Variants in GATA6 observed in about 807,000 individuals in gnomAD.
The protein encoded by GATA6 is transcription factor GATA-6.
GATA6 carries 11 observed loss-of-function variants against 48.1 expected under a neutral mutation model. The observed-to-expected ratio is 0.23, with a 90% confidence interval of 0.14 to 0.38. GATA6 has a LOEUF of 0.38. Among genes scored for constraint, GATA6 ranks in the 10% least tolerant of loss-of-function variants. The pLI is 1.00. For missense variants in GATA6, 795 were observed against 850.3 expected, an observed-to-expected ratio of 0.93 and a Z score of 0.81; for synonymous variants, 419 against 396.1, an observed-to-expected ratio of 1.06 and a Z score of -0.69.
At position 22,171,691 on chromosome 18, in the gene GATA6, G is replaced by A. The variant is rs1399820160; in HGVS notation, c.547G>A (p.Ala183Thr). ...AAAAAAAAAA[A>T]SSPVYVPTTR... Reference sequence around the variant, plus strand: ...CGCGGCGGCAGCAGCCGCGGCGGCGGCCAGCTCCCCGGTCTACGTGCCCAC... The same window carrying A: ...CGCGGCGGCAGCAGCCGCGGCGGCGACCAGCTCCCCGGTCTACGTGCCCAC... Residue 183 changes from alanine to threonine, a missense_variant, in exon 2 of 7, where the codon GCC becomes ACC. Physicochemically the swap from Ala to Thr is moderately conservative, Grantham distance 58. Around this residue, in one of 5 missense-constraint regions of GATA6, gnomAD observed 591 missense variants for 570.0 expected, o/e 1.04. Transcript: ENST00000269216. This position sits in a 1 kb window ranked among gnomAD's most constrained non-coding sequence, Gnocchi z 7.1. 2 of 1,498,120 alleles carry A rather than the reference G, an allele frequency of 1.3e-6. No individual in the cohort carries two copies. The highest frequency in any genetic ancestry group is 2.3e-5 in the Admixed American group (1 of 44,146). The allele number at this position is 1,498,120 out of a possible 1,614,324, so 92.8% of individuals were successfully genotyped here. A position where few individuals can be genotyped will look rare whatever the true frequency, so the allele number is the denominator to read the frequency against.
chr18:22,171,009 T>C lies in GATA6; in HGVS notation c.-37-99T>C. On this transcript the variant is annotated intron_variant, in intron 1 of 6. Transcript: ENST00000269216. The surrounding 1 kb of genome is among the most constrained non-coding windows in gnomAD (Gnocchi z 7.1). ...GGATCTTTGAGAAGTCAGATCCCAT[T>C]TGAACTAGAAAAAGGAGTGGAGGCG... The C allele has an allele frequency of 1.4e-6, 1 of 728,254 alleles. No homozygotes were observed. The highest frequency in any genetic ancestry group is 2.4e-6 in the Non-Finnish European group (1 of 416,698). The allele number at this position is 728,254 out of a possible 1,614,324, so 45.1% of individuals were successfully genotyped here.
At chr18:22,183,620 G>A (rs1047000508) in intron 6 of GATA6, among the ~76,000 whole-genome samples, 2 of 152,174 alleles carry the variant, frequency 1.3e-5, no homozygotes, top group South Asian at 2.1e-4. Context: ...TTGTACTGGC[G>A]TTTATTTCAG....
At position 22,182,989 on chromosome 18, in the gene GATA6, C is replaced by T. The variant is rs2033217595; in HGVS notation, c.1566C>T (p.Asn522=). 2 of 1,614,008 alleles carry T rather than the reference C, an allele frequency of 1.2e-6. No individual in the cohort carries two copies. The highest frequency in any genetic ancestry group is 1.3e-5 in the African/African-American group (1 of 74,914). Residue 522 remains asparagine (N), a synonymous_variant, in exon 6 of 7, where the codon AAC becomes AAT. Transcript: ENST00000269216. ...IPMTPTSTSS[N]SDDCSKNTSP... ...TGACTCCAACTTCCACCTCTTCTAA[C>T]TCAGATGATTGCAGCAAAAATACTT...
intron 3 of GATA6, among the ~76,000 whole-genome samples, chr18:22,181,001 A>T (rs1241658841): frequency 6.6e-6 from 1 of 152,078 alleles, no homozygotes; most frequent in African/African-American, 2.4e-5. Flanking sequence ...TTGTGTTGTT[A>T]CTTCTGGTGT....
chr18:22,171,884 C>T lies in GATA6; in HGVS notation c.740C>T (p.Ala247Val), dbSNP rs2033055492. Residue 247 changes from alanine to valine, a missense_variant, in exon 2 of 7, where the codon GCG (alanine) becomes GTG (valine). Ala to Val is a moderately conservative substitution (Grantham distance 64). Around this residue, in one of 5 missense-constraint regions of GATA6, gnomAD observed 591 missense variants for 570.0 expected, o/e 1.04. Transcript: ENST00000269216. This position sits in a 1 kb window ranked among gnomAD's most constrained non-coding sequence, Gnocchi z 7.1. ...SGGGAAGGGA[A>V]GPGGAGSAAA... ...GGCGGCGCGGCTGGCGGCGGGGCCG[C>T]GGGGCCTGGCGGCGCTGGCTCAGCC... The T allele has an allele frequency of 1.7e-6, 2 of 1,149,560 alleles. No individual in the cohort carries two copies. Among genetic ancestry groups the T allele is most frequent in the Non-Finnish European group, 2.1e-6 (2 of 936,216 alleles). 71.2% of individuals were successfully genotyped at this position (1,149,560 alleles called of 1,614,324 possible).
rs1047995213 is a variant in GATA6, at chr18:22,185,123, C to T, written c.1620+2080C>T. On this transcript the variant is annotated intron_variant, in intron 6 of 6. Coordinates refer to ENST00000269216, the MANE Select transcript of GATA6 (RefSeq NM_005257.6). The surrounding 1 kb of genome is among the most constrained non-coding windows in gnomAD (Gnocchi z 4.3). ...GCAAGTCCTATCGGTTGCTGTCCAG[C>T]GAAAGGAGTGAAAAGCCAGTGAAAA... 1.3e-5 allele frequency among the ~76,000 whole-genome samples: 2 copies of T among 152,078 alleles called. No individual in the cohort carries two copies. Among genetic ancestry groups the T allele is most frequent in the Admixed American group, 6.6e-5 (1 of 15,266 alleles).
chr18:22,183,118 C>G lies in GATA6; in HGVS notation c.1620+75C>G, dbSNP rs1439133239. 2.6e-6 allele frequency: 3 copies of G among 1,132,554 alleles called. No individual in the cohort carries two copies. In the African/African-American group the frequency reaches 4.7e-5, roughly 18 times the overall value. The allele number at this position is 1,132,554 out of a possible 1,614,324, so 70.2% of individuals were successfully genotyped here. On this transcript the variant is annotated intron_variant, in intron 6 of 6. Coordinates refer to ENST00000269216, the MANE Select transcript of GATA6 (RefSeq NM_005257.6). Reference sequence around the variant, plus strand: ...TAAATTATCTCAAATTTTATCTTATCTGGTAGTACAATAATCTAAACCAAC... The same window carrying G: ...TAAATTATCTCAAATTTTATCTTATGTGGTAGTACAATAATCTAAACCAAC...
rs1481770597 is a variant in GATA6 at position 22,171,408 on chromosome 18, C to T, written c.264C>T (p.Phe88=). 6.3e-7 allele frequency: 1 copy of T among 1,588,762 alleles called. No homozygotes were observed. The highest frequency in any genetic ancestry group is 1.7e-5 in the Admixed American group (1 of 58,782). ...TCAGTTCCTACGCTTCGCATCCCTT[C>T]GGGGCTCCCCACGGACCTTCGGCGC... ...LLLSSYASHP[F]GAPHGPSAPG... The change falls in exon 2 of 7, where the codon TTC becomes TTT. Residue 88 remains phenylalanine (F), a synonymous_variant. Transcript: ENST00000269216. This position sits in a 1 kb window ranked among gnomAD's most constrained non-coding sequence, Gnocchi z 7.1.
intron 2 of GATA6, 23 bp from the exon 3 acceptor site, chr18:22,176,932 C>T (rs986374408): frequency 9.8e-6 from 15 of 1,534,746 alleles, no homozygotes; most frequent in Middle Eastern, 4.6e-4. Context: ...CACTCCCGCC[C>T]TCACGCACCG....
chr18:22,196,749 A>AAAT (rs1555630429), intron 6 of GATA6, among the ~76,000 whole-genome samples: 2 of 152,098 alleles, frequency 1.3e-5, no homozygotes, highest in African/African-American at 4.8e-5. Flanking sequence ...CTCAAAAATA[A>AAAT]AAAATAAAAT....
chr18:22,173,385 C>T (rs539234511), intron 2 of GATA6, among the ~76,000 whole-genome samples: 62 of 151,998 alleles, frequency 4.1e-4, no homozygotes, highest in Non-Finnish European at 8.2e-4. Flanking sequence ...ACAGAGGTGG[C>T]AGAGTGGAGG....
chr18:22,169,835 C>T (rs2143269145), intron 1 of GATA6, among the ~76,000 whole-genome samples, 153 bp downstream of exon 1: 1 of 152,362 alleles, frequency 6.6e-6, no homozygotes, highest in East Asian at 1.9e-4. Flanking sequence ...GCTGAGGCGG[C>T]TCCCAGGCTC....
intron 2 of GATA6, among the ~76,000 whole-genome samples, chr18:22,173,354 G>A (rs2033080293): frequency 6.6e-6 from 1 of 152,090 alleles, no homozygotes; most frequent in African/African-American, 2.4e-5. Context: ...GAGGGGAGGT[G>A]TGGGGGAGGC....
At position 22,177,139 on chromosome 18, in the gene GATA6, TGCCCCTGGCTCGCGGCCG is replaced by T; in HGVS notation, c.1302+24_1302+41del. On this transcript the variant is annotated intron_variant, in intron 3 of 6. Coordinates refer to ENST00000269216, the MANE Select transcript of GATA6 (RefSeq NM_005257.6). The stretch of plus-strand genomic sequence containing the variant: ...AGCGCGTGGTGAGTGTGACCCGCCC[TGCCCCTGGCTCGCGGCCG>T]GCCCCGGGCTCTCCTGGCCCGGCCG... 2 of 1,539,156 alleles carry T rather than the reference TGCCCCTGGCTCGCGGCCG, an allele frequency of 1.3e-6. No individual in the cohort carries two copies. Among genetic ancestry groups the T allele is most frequent in the Non-Finnish European group, 1.7e-6 (2 of 1,143,082 alleles).
In GATA6 at chr18:22,172,316, A is replaced by C. The variant is rs373714777; in HGVS notation, c.1135+37A>C. ...GCCTCAGGTTCGGGGTGCGGGTCCA[A>C]AGCGCTGGGGCGCACGGGGGACGTG... On this transcript the variant is annotated intron_variant, in intron 2 of 6. Transcript: ENST00000269216. This position sits in a 1 kb window ranked among gnomAD's most constrained non-coding sequence, Gnocchi z 5.2. 9 of 1,525,584 alleles carry C rather than the reference A, an allele frequency of 5.9e-6. No individual in the cohort carries two copies. The South Asian group carries it at 9.6e-5, about 16-fold the overall frequency. 94.5% of individuals were successfully genotyped at this position (1,525,584 alleles called of 1,614,324 possible). A position where few individuals can be genotyped will look rare whatever the true frequency, so the allele number is the denominator to read the frequency against.
At chr18:22,180,658 A>G (rs541934708) in intron 3 of GATA6, among the ~76,000 whole-genome samples, 110 of 152,058 alleles carry the variant, frequency 7.2e-4, no homozygotes, top group African/African-American at 2.0e-3. Flanking sequence ...GTAATTATGG[A>G]ATGTATTCAA....
intron 4 of GATA6, 22 bp downstream of exon 4, chr18:22,181,600 CTTG>C (rs2033196593): frequency 6.2e-7 from 1 of 1,613,500 alleles, no homozygotes; most frequent in Non-Finnish European, 8.5e-7. Flanking sequence ...ATTCTGCTCA[CTTG>C]TATATACATT....
At position 22,172,112 on chromosome 18, in the gene GATA6, A is replaced by C. The variant is rs2143278240; in HGVS notation, c.968A>C (p.Tyr323Ser). 8.9e-7 allele frequency: 1 copy of C among 1,117,696 alleles called. No homozygotes were observed. The highest frequency in any genetic ancestry group is 1.1e-6 in the Non-Finnish European group (1 of 880,708). The allele number at this position is 1,117,696 out of a possible 1,614,324, so 69.2% of individuals were successfully genotyped here. The change falls in exon 2 of 7, where the codon TAC becomes TCC. Residue 323 changes from tyrosine to serine, a missense_variant. Tyr to Ser is a moderately radical substitution (Grantham distance 144, BLOSUM62 -2). Transcript: ENST00000269216. This position sits in a 1 kb window ranked among gnomAD's most constrained non-coding sequence, Gnocchi z 5.2. ...GCCGCGCGGCCGCTGAACGGGACGT[A>C]CCACCACCACCACCACCACCACCAC... ...LSAARPLNGTYHHHHHHHHHH... is the reference protein window; with the variant it reads ...LSAARPLNGTSHHHHHHHHHH...
rs2033021870 is a variant in GATA6, at chr18:22,170,699, A to G, written c.-37-409A>G. The stretch of plus-strand genomic sequence containing the variant: ...TGCGGCGGTGCCGACACGCACAGCT[A>G]CTTAAATTCTTTTGTGTGTCATCAG... On this transcript the variant is annotated intron_variant, in intron 1 of 6. Transcript: ENST00000269216. The surrounding 1 kb of genome is among the most constrained non-coding windows in gnomAD (Gnocchi z 6.7). 1.3e-5 allele frequency among the ~76,000 whole-genome samples: 2 copies of G among 152,096 alleles called. No individual in the cohort carries two copies. Among genetic ancestry groups the G allele is most frequent in the Non-Finnish European group, 2.9e-5 (2 of 68,018 alleles).
Sources: gnomAD v4.1 joint callset for allele counts (sites outside exome capture counted in the v4.1 genomes callset) on GRCh38, gnomAD v4.1.1 for gene constraint, gnomAD v4.1.1 regional missense constraint, Gnocchi (gnomAD v3.1) non-coding constraint, MANE v1.5 for transcripts, NCBI Gene and HGNC (gene_info 2026-07-23, HGNC 2026-07-21) for gene names.